The following CKAP2L variants were observed in gnomAD, a reference collection of about 807,000 sequenced individuals.
CKAP2L encodes cytoskeleton-associated protein 2-like.
CKAP2L carries 42 observed loss-of-function variants against 65.7 expected under a neutral mutation model. That is an observed-to-expected ratio of 0.64 (90% CI 0.50 to 0.83). The LOEUF (loss-of-function observed/expected upper bound fraction) is 0.83, where lower values mean the gene tolerates loss of function less well. Among genes scored for constraint, CKAP2L ranks in the 40% least tolerant of loss-of-function variants. The probability of loss-of-function intolerance (pLI) is 0.00; values close to 1 mark genes in which losing one functional copy is unlikely to be tolerated. For synonymous variants in CKAP2L, 325 were observed against 313.5 expected, an observed-to-expected ratio of 1.04 and a Z score of -0.39; for missense variants, 908 against 871.0, an observed-to-expected ratio of 1.04 and a Z score of -0.53.
chr2:112,740,732 AG>A (rs1679878177), intron 8 of CKAP2L, 85 bp downstream of exon 8: 2 of 1,096,588 alleles, frequency 1.8e-6, no homozygotes, highest in Admixed American at 2.0e-5. Context: ...GTCAGGTCTC[AG>A]TTACTCTAGA....
At chr2:112,750,744 C>A (rs1680348062) in intron 5 of CKAP2L, among the ~76,000 whole-genome samples, 1 of 147,878 alleles carries the variant, frequency 6.8e-6, no homozygotes. Flanking sequence ...GGGATATGAC[C>A]AAAGTAAAAT....
Position 112,742,777 on chromosome 2 carries a change from G to T in CKAP2L, c.1759-8C>A. 1 of 1,598,880 alleles carries T rather than the reference G, an allele frequency of 6.3e-7. No homozygotes were observed. The highest frequency in any genetic ancestry group is 8.5e-7 in the Non-Finnish European group (1 of 1,172,908). The stretch of plus-strand genomic sequence containing the variant: ...CCGCAACTCTTGTATTGGCTGGAAG[G>T]AAGGAAGAAAACATACAAAATCTTA... On this transcript the variant is annotated splice_polypyrimidine_tract_variant and splice_region_variant and intron_variant, in intron 6 of 8. Coordinates refer to ENST00000302450, the MANE Select transcript of CKAP2L (RefSeq NM_152515.5).
intron 3 of CKAP2L, among the ~76,000 whole-genome samples, chr2:112,759,638 T>C (rs1473525523): frequency 1.3e-5 from 2 of 152,174 alleles, no homozygotes; most frequent in African/African-American, 2.4e-5. Context: ...TCAATCTGCA[T>C]AAAGTAAAAG....
chr2:112,756,699 T>C lies in CKAP2L; in HGVS notation c.672A>G (p.Lys224=). 1.3e-6 allele frequency: 2 copies of C among 1,593,484 alleles called. No individual in the cohort carries two copies. Among genetic ancestry groups the C allele is most frequent in the Non-Finnish European group, 1.7e-6 (2 of 1,172,594 alleles). The change falls in exon 4 of 9, where the codon AAA becomes AAG. Residue 224 remains lysine (K), a synonymous_variant. Coordinates refer to ENST00000302450, the MANE Select transcript of CKAP2L (RefSeq NM_152515.5). ...YNQTKNSLVP[K]QALGKSSVNS... ...TAACTGAACTTTTGCCCAAGGCTTG[T>C]TTAGGAACTAAACTGTTCTTGGTTT... is the stretch of plus-strand genomic sequence containing the variant.
At chr2:112,753,526 C>CTTTTTTTTTTTTTTTTTTT (rs59027525) in intron 4 of CKAP2L, among the ~76,000 whole-genome samples, 1 of 100,396 alleles carries the variant, frequency 1.0e-5, no homozygotes, top group Non-Finnish European at 1.9e-5. Context: ...AGTTTCTTTT[C>CTTTTTTTTTTTTTTTTTTT]TTTTTTTTTT....
Position 112,757,166 on chromosome 2 carries a change from T to C in CKAP2L, c.205A>G (p.Lys69Glu). The change falls in exon 4 of 9, where the codon AAA (lysine) becomes GAA (glutamate). Residue 69 changes from lysine to glutamate, a missense_variant. Coordinates refer to ENST00000302450, the MANE Select transcript of CKAP2L (RefSeq NM_152515.5). ...DVTNHVVLPVKPKRSISIKLQ... is the reference protein window; with the variant it reads ...DVTNHVVLPVEPKRSISIKLQ... ...TTAATGCTGATGGACCTTTTAGGTT[T>C]GACAGGCAAAACAACATGGTTGGTA... 2 of 1,613,472 alleles carry C rather than the reference T, an allele frequency of 1.2e-6. No individual in the cohort carries two copies. The highest frequency in any genetic ancestry group is 2.2e-5 in the East Asian group (1 of 44,876).
chr2:112,757,352 G>A, intron 3 of CKAP2L, 138 bp from the exon 4 acceptor site: 2 of 446,128 alleles, frequency 4.5e-6, no homozygotes, highest in Non-Finnish European at 7.6e-6. Context: ...TCCTCAGAAA[G>A]TAAAGAAAGA....
intron 5 of CKAP2L, among the ~76,000 whole-genome samples, chr2:112,749,928 TC>T (rs934262326): frequency 2.0e-5 from 3 of 152,078 alleles, no homozygotes; most frequent in Admixed American, 6.6e-5. Flanking sequence ...CCAGCAACGG[TC>T]CCTCACCCTG....
At position 112,740,911 on chromosome 2, in the gene CKAP2L, T is replaced by C. The variant is rs1679896724; in HGVS notation, c.1919A>G (p.Lys640Arg). 6.2e-7 allele frequency: 1 copy of C among 1,614,054 alleles called. No homozygotes were observed. Among genetic ancestry groups the C allele is most frequent in the Admixed American group, 1.7e-5 (1 of 60,020 alleles). ...TGTCGCCGTGACTTGTTCCCTCTCT[T>C]TTGGAGAAAGACAAGACTTCACAGA... is the stretch of plus-strand genomic sequence containing the variant. ...MESVKSCLSP[K>R]EREQVTATPR... The change falls in exon 8 of 9, where the codon AAA becomes AGA. Residue 640 changes from lysine to arginine, a missense_variant. By Grantham distance (26) the Lys-to-Arg change is conservative. Transcript: ENST00000302450.
At chr2:112,757,255 A>C (rs750298082) in intron 3 of CKAP2L, 41 bp from the exon 4 acceptor site, 2 of 1,363,666 alleles carry the variant, frequency 1.5e-6, no homozygotes, top group Non-Finnish European at 2.0e-6. Context: ...AATCCTTAAC[A>C]TATCTTATTG....
chr2:112,738,336 C>T lies in CKAP2L; in HGVS notation c.*487G>A, dbSNP rs1057432402. The T allele has an allele frequency of 1.9e-5, 3 of 154,804 alleles. No homozygotes were observed. The highest frequency in any genetic ancestry group is 7.2e-5 in the African/African-American group (3 of 41,454). The allele number at this position is 154,804 out of a possible 1,614,324, so 9.6% of individuals were successfully genotyped here. A position where few individuals can be genotyped will look rare whatever the true frequency, so the allele number is the denominator to read the frequency against. On this transcript the variant is annotated 3_prime_UTR_variant, in exon 9 of 9. Coordinates refer to ENST00000302450, the MANE Select transcript of CKAP2L (RefSeq NM_152515.5). The stretch of plus-strand genomic sequence containing the variant: ...TAAATTTATGATCTCTGAGCAAAGG[C>T]ACAGCTAGCATAAACTCATCTGTAA...
intron 2 of CKAP2L, 105 bp from the exon 3 acceptor site, chr2:112,760,869 A>AT: frequency 1.5e-6 from 1 of 656,842 alleles, no homozygotes; most frequent in South Asian, 1.8e-5. Context: ...AATAATTAGA[A>AT]TTTCTGTAAT....
Position 112,756,756 on chromosome 2 carries a change from G to A in CKAP2L, c.615C>T (p.Thr205=). Residue 205 remains threonine, a synonymous_variant, in exon 4 of 9, where the codon ACC becomes ACT. Coordinates refer to ENST00000302450, the MANE Select transcript of CKAP2L (RefSeq NM_152515.5). ...PERKPDPKLY[T]RSKPKTDSYN... ...AAGAGTCAGTCTTTGGCTTACTTCTGGTATATAATTTAGGATCTGGCTTCC... is the reference window on the plus strand; with the variant it reads ...AAGAGTCAGTCTTTGGCTTACTTCTAGTATATAATTTAGGATCTGGCTTCC... 1.9e-6 allele frequency: 3 copies of A among 1,601,588 alleles called. No homozygotes were observed. Among genetic ancestry groups the A allele is most frequent in the Non-Finnish European group, 2.6e-6 (3 of 1,176,262 alleles).
Position 112,757,500 on chromosome 2 carries a change from C to T in CKAP2L, c.157-286G>A, listed in dbSNP as rs113297259. ...TGCCTCCTGGGTTGAAGCAATTCTC[C>T]CACCCCAACCTCGCAAGTGGCTGGA... On this transcript the variant is annotated intron_variant, in intron 3 of 8. Coordinates refer to ENST00000302450, the MANE Select transcript of CKAP2L (RefSeq NM_152515.5). Among the ~76,000 whole-genome samples, 12 of 151,568 alleles carry T rather than the reference C, an allele frequency of 7.9e-5. 2 individuals carry two copies. The highest frequency in any genetic ancestry group is 2.9e-4 in the African/African-American group (12 of 41,274).
At chr2:112,759,952 G>T (rs976538701) in intron 3 of CKAP2L, among the ~76,000 whole-genome samples, 3 of 151,584 alleles carry the variant, frequency 2.0e-5, no homozygotes, top group African/African-American at 7.3e-5. Flanking sequence ...TGACTGAAGT[G>T]ATTTGGTGAA....
chr2:112,751,585 A>G (rs1454179700), intron 5 of CKAP2L, among the ~76,000 whole-genome samples: 2 of 152,232 alleles, frequency 1.3e-5, no homozygotes, highest in Non-Finnish European at 2.9e-5. Flanking sequence ...GAAATAGTTA[A>G]TATTTAACTG....
At chr2:112,744,099 G>C (rs1680122431) in intron 6 of CKAP2L, among the ~76,000 whole-genome samples, 1 of 152,220 alleles carries the variant, frequency 6.6e-6, no homozygotes, top group African/African-American at 2.4e-5. Flanking sequence ...ATATTACAAA[G>C]AGTGAATTCT....
At chr2:112,763,337 T>C (rs1249970727) in intron 1 of CKAP2L, among the ~76,000 whole-genome samples, 1 of 152,114 alleles carries the variant, frequency 6.6e-6, no homozygotes, top group Non-Finnish European at 1.5e-5. Context: ...TTTTGTTTTT[T>C]TACAGGGATG....
At chr2:112,742,791 T>C (rs1226283024) in intron 6 of CKAP2L, 22 bp from the exon 7 acceptor site, 3 of 1,570,544 alleles carry the variant, frequency 1.9e-6, no homozygotes, top group Non-Finnish European at 2.6e-6. Flanking sequence ...GAAGAAAACA[T>C]ACAAAATCTT....
Sources: gnomAD v4.1 joint callset for allele counts (sites outside exome capture counted in the v4.1 genomes callset) on GRCh38, gnomAD v4.1.1 for gene constraint, MANE v1.5 for transcripts, NCBI Gene and HGNC (gene_info 2026-07-23, HGNC 2026-07-21) for gene names.